Variants in SLC24A3 observed in about 807,000 individuals in gnomAD.
The protein encoded by SLC24A3 is solute carrier family 24 member 3.
Under a neutral mutation model 75.8 loss-of-function variants are expected in SLC24A3, and 28 were observed. The ratio of observed to expected loss-of-function variants is 0.37; its 90% CI spans 0.27 to 0.51. SLC24A3 has a LOEUF of 0.51. Among genes scored for constraint, SLC24A3 ranks in the 20% least tolerant of loss-of-function variants. SLC24A3 has a pLI of 0.94. For missense variants in SLC24A3, 663 were observed against 847.8 expected (o/e 0.78, Z 2.71); for synonymous variants, 372 against 334.1 (o/e 1.11, Z -1.24).
chr20:19,378,412 G>A (rs948951208), intron 2 of SLC24A3, among the ~76,000 whole-genome samples: 4 of 152,176 alleles, frequency 2.6e-5, no homozygotes, highest in African/African-American at 9.7e-5. Flanking sequence ...CTATAAATTA[G>A]TCCTGCATGG....
intron 1 of SLC24A3, among the ~76,000 whole-genome samples, chr20:19,266,523 G>A (rs1248198582): frequency 6.6e-6 from 1 of 152,190 alleles, no homozygotes; most frequent in Non-Finnish European, 1.5e-5. Flanking sequence ...AAGACAGCCT[G>A]AGAGAAAACA....
chr20:19,318,726 A>C (rs1984638533), intron 2 of SLC24A3, among the ~76,000 whole-genome samples: 1 of 152,002 alleles, frequency 6.6e-6, no homozygotes, highest in Non-Finnish European at 1.5e-5. Context: ...TTAGTGGGAA[A>C]AGACAGCACA....
Position 19,281,030 on chromosome 20 carries a change from G to C in SLC24A3, c.214G>C (p.Asp72His). 1.9e-6 allele frequency: 3 copies of C among 1,614,156 alleles called. No homozygotes were observed. Among genetic ancestry groups the C allele is most frequent in the Non-Finnish European group, 2.5e-6 (3 of 1,180,018 alleles). The change falls in exon 2 of 17, where the codon GAC becomes CAC. Residue 72 changes from aspartate (D) to histidine (H), a missense_variant. This residue lies in a region of SLC24A3 where 153 missense variants were observed against 144.2 expected (regional missense o/e 1.06). Coordinates refer to ENST00000328041, the MANE Select transcript of SLC24A3 (RefSeq NM_020689.4). ...MMARKLMQVN[D>H]TLTSEDAGLR... ...GGCGAGGAAGCTGATGCAGGTGAAC[G>C]ACACTCTGACTTCCGAAGATGCCGG...
At chr20:19,452,891 T>G (rs888824401) in intron 2 of SLC24A3, among the ~76,000 whole-genome samples, 4 of 151,972 alleles carry the variant, frequency 2.6e-5, no homozygotes, top group Non-Finnish European at 4.4e-5. Context: ...AATAAAAATA[T>G]TAGCCACCTG....
chr20:19,293,011 A>T (rs1328791041), intron 2 of SLC24A3, among the ~76,000 whole-genome samples: 1 of 152,130 alleles, frequency 6.6e-6, no homozygotes, highest in Non-Finnish European at 1.5e-5. Flanking sequence ...CACCTTGCCA[A>T]AGGTCCTACC....
At chr20:19,638,112 C>T (rs1169598331) in intron 6 of SLC24A3, among the ~76,000 whole-genome samples, 2 of 152,114 alleles carry the variant, frequency 1.3e-5, no homozygotes, top group Non-Finnish European at 2.9e-5. Context: ...TGATGTTCCC[C>T]TCCCTGTGTC....
In SLC24A3 at chr20:19,591,335, A is replaced by AT. The variant is rs538321822; in HGVS notation, c.612+5791_612+5792insT. 1.1e-4 allele frequency among the ~76,000 whole-genome samples: 17 copies of AT among 152,338 alleles called. No individual in the cohort carries two copies. The East Asian group carries it at 3.1e-3, about 28-fold the overall frequency. On this transcript the variant is annotated intron_variant, in intron 6 of 16. Coordinates refer to ENST00000328041, the MANE Select transcript of SLC24A3 (RefSeq NM_020689.4). Reference sequence around the variant, plus strand: ...CAGTTTCAGGTAACAACAAAAAAAAAATCCCAACTCTAACTGGCTTCTTAA... The same window carrying AT: ...CAGTTTCAGGTAACAACAAAAAAAAATATCCCAACTCTAACTGGCTTCTTAA...
intron 15 of SLC24A3, among the ~76,000 whole-genome samples, chr20:19,709,503 T>G (rs2032967533): frequency 6.6e-6 from 1 of 151,846 alleles, no homozygotes; most frequent in African/African-American, 2.4e-5. Context: ...ACACCTATAG[T>G]CCCAGCTACT....
intron 2 of SLC24A3, among the ~76,000 whole-genome samples, chr20:19,352,549 A>G (rs1344158235): frequency 1.3e-5 from 2 of 152,194 alleles, no homozygotes; most frequent in African/African-American, 2.4e-5. Flanking sequence ...CTGATTTTCA[A>G]ATGAAGACTC....
intron 3 of SLC24A3, among the ~76,000 whole-genome samples, chr20:19,518,729 G>A (rs6046156): frequency 0.094 from 14,248 of 152,242 alleles, 781 homozygotes; most frequent in Middle Eastern, 0.14. Context: ...TGACCTCACC[G>A]TCCCTCCTTG....
At chr20:19,428,905 T>C (rs529896711) in intron 2 of SLC24A3, among the ~76,000 whole-genome samples, 2 of 152,320 alleles carry the variant, frequency 1.3e-5, no homozygotes, top group South Asian at 4.1e-4. Flanking sequence ...ACTTGCAAGT[T>C]GGGGATATGG....
intron 1 of SLC24A3, among the ~76,000 whole-genome samples, chr20:19,275,721 C>G (rs1006045855): frequency 2.0e-5 from 3 of 152,162 alleles, no homozygotes; most frequent in Non-Finnish European, 4.4e-5. Context: ...GGCGTCCAGC[C>G]TCACTTTGTG....
intron 9 of SLC24A3, among the ~76,000 whole-genome samples, chr20:19,677,909 T>C (rs2032546529): frequency 6.6e-6 from 1 of 151,560 alleles, no homozygotes; most frequent in African/African-American, 2.4e-5. Context: ...GTGATGACTC[T>C]TAACGAGCAT....
chr20:19,269,028 C>T (rs532006695), intron 1 of SLC24A3, among the ~76,000 whole-genome samples: 2 of 152,328 alleles, frequency 1.3e-5, no homozygotes, highest in South Asian at 4.1e-4. Context: ...TGCCTTGGTT[C>T]TTGGCCTTGG....
At chr20:19,317,220 G>C (rs1206357748) in intron 2 of SLC24A3, among the ~76,000 whole-genome samples, 1 of 152,092 alleles carries the variant, frequency 6.6e-6, no homozygotes, top group Non-Finnish European at 1.5e-5. Flanking sequence ...AAAAACCCTA[G>C]AAGAAAACCC....
intron 2 of SLC24A3, among the ~76,000 whole-genome samples, chr20:19,406,227 T>A (rs115178652): frequency 0.038 from 5,730 of 151,486 alleles, 364 homozygotes; most frequent in African/African-American, 0.13. Flanking sequence ...TGTGTGTGTG[T>A]GAGAGAGAGA....
At chr20:19,559,946 G>A (rs974791945) in intron 3 of SLC24A3, among the ~76,000 whole-genome samples, 1 of 152,046 alleles carries the variant, frequency 6.6e-6, no homozygotes, top group African/African-American at 2.4e-5. Flanking sequence ...CTGACATGTA[G>A]CATTTGCAAA....
chr20:19,649,940 T>C (rs1170356827), intron 6 of SLC24A3, among the ~76,000 whole-genome samples: 1 of 152,236 alleles, frequency 6.6e-6, no homozygotes, highest in Non-Finnish European at 1.5e-5. Flanking sequence ...TACAGAACCC[T>C]TCTAAACCCT....
intron 2 of SLC24A3, among the ~76,000 whole-genome samples, chr20:19,486,043 G>A (rs1053291265): frequency 1.3e-5 from 2 of 152,130 alleles, no homozygotes; most frequent in Non-Finnish European, 2.9e-5. Flanking sequence ...TGGGAGGTAA[G>A]TGGGCTGGAG....
Sources: allele counts gnomAD v4.1 joint callset (sites outside exome capture counted in the v4.1 genomes callset), GRCh38; gene constraint gnomAD v4.1.1; regional missense constraint gnomAD v4.1.1; transcripts MANE v1.5; gene names NCBI Gene and HGNC (gene_info 2026-07-23, HGNC 2026-07-21).